ATP13A5: variants seen among roughly 807,000 people sequenced by gnomAD.
ATP13A5 encodes ATPase 13A5, also known as probable cation-transporting ATPase 13A5.
ATP13A5 carries 149 observed loss-of-function variants against 150.2 expected under a neutral mutation model. The observed-to-expected ratio is 0.99, with a 90% confidence interval of 0.87 to 1.14. ATP13A5 has a LOEUF of 1.14. Among genes scored for constraint, ATP13A5 ranks in the 50% most tolerant of loss-of-function variants. The probability of loss-of-function intolerance (pLI) is 0.00; values close to 1 mark genes in which losing one functional copy is unlikely to be tolerated. For synonymous variants in ATP13A5, 497 were observed against 522.2 expected (o/e 0.95, Z 0.66); for missense variants, 1,383 against 1,449.3 (o/e 0.95, Z 0.74).
At chr3:193,359,285 G>C (rs1712911597) in intron 5 of ATP13A5, among the ~76,000 whole-genome samples, 2 of 151,998 alleles carry the variant, frequency 1.3e-5, no homozygotes, top group South Asian at 4.2e-4. Context: ...GGTTTCAAAG[G>C]GGATAGAGGT....
At chr3:193,356,959 G>A (rs2108896075) in intron 5 of ATP13A5, among the ~76,000 whole-genome samples, 1 of 152,154 alleles carries the variant, frequency 6.6e-6, no homozygotes, top group Non-Finnish European at 1.5e-5. Flanking sequence ...GGGATTACAG[G>A]CCCACACTAC....
chr3:193,285,271 A>T (rs113197420), intron 26 of ATP13A5, among the ~76,000 whole-genome samples, 155 bp from the exon 27 acceptor site: 11 of 152,342 alleles, frequency 7.2e-5, no homozygotes, highest in African/African-American at 2.4e-4. Context: ...TCTTGCTATG[A>T]CAAAGCAGAA....
At chr3:193,332,990 G>A (rs533113385) in intron 11 of ATP13A5, among the ~76,000 whole-genome samples, 85 of 152,138 alleles carry the variant, frequency 5.6e-4, no homozygotes, top group Admixed American at 7.2e-4. Flanking sequence ...AGGCCCCATC[G>A]TGGGCCTCTC....
intron 1 of ATP13A5, among the ~76,000 whole-genome samples, chr3:193,369,219 A>T (rs1296618038): frequency 6.6e-6 from 1 of 151,868 alleles, no homozygotes; most frequent in African/African-American, 2.4e-5. Flanking sequence ...CACTCAGGCA[A>T]CAGTGAGACC....
chr3:193,327,046 G>A lies in ATP13A5; in HGVS notation c.1473C>T (p.Leu491=), dbSNP rs1022926244. 12 of 1,609,584 alleles carry A rather than the reference G, an allele frequency of 7.5e-6. No homozygotes were observed. Among genetic ancestry groups the A allele is most frequent in the South Asian group, 5.6e-5 (5 of 89,464 alleles). ...CCCAGAGGTCCAGCCCATCTTCAGTGAGAGTGCCAGTCTGAGTAAAAATTA... is the reference window on the plus strand; with the variant it reads ...CCCAGAGGTCCAGCCCATCTTCAGTAAGAGTGCCAGTCTGAGTAAAAATTA... ...NLVCFDKTGT[L]TEDGLDLWGT... Residue 491 remains leucine, a synonymous_variant, in exon 13 of 30, where the codon CTC becomes CTT. Coordinates refer to ENST00000342358, the MANE Select transcript of ATP13A5 (RefSeq NM_198505.4).
At chr3:193,341,181 T>G (rs6773934) in intron 9 of ATP13A5, among the ~76,000 whole-genome samples, 6,182 of 142,478 alleles carry the variant, frequency 0.043, 360 homozygotes, top group African/African-American at 0.14. Context: ...CCCTCCCAAA[T>G]GATATTCCCT....
chr3:193,274,960 G>T lies in ATP13A5; in HGVS notation c.*82C>A. ...TTGAATGGAGAGAGGAAAGGTAAGG[G>T]GAGAGTATCATCACTTCTCCACAAT... On this transcript the variant is annotated 3_prime_UTR_variant, in exon 30 of 30. Coordinates refer to ENST00000342358, the MANE Select transcript of ATP13A5 (RefSeq NM_198505.4). The T allele has an allele frequency of 1.3e-6, 2 of 1,540,378 alleles. No homozygotes were observed. Among genetic ancestry groups the T allele is most frequent in the South Asian group, 2.5e-5 (2 of 81,072 alleles).
chr3:193,340,759 CT>C (rs1380552605), intron 9 of ATP13A5, among the ~76,000 whole-genome samples: 1 of 152,140 alleles, frequency 6.6e-6, no homozygotes, highest in African/African-American at 2.4e-5. Flanking sequence ...CAATAGAAGT[CT>C]TCTGTTTTCT....
intron 2 of ATP13A5, among the ~76,000 whole-genome samples, chr3:193,363,620 A>G (rs776035856): frequency 7.2e-5 from 11 of 152,222 alleles, no homozygotes; most frequent in Non-Finnish European, 1.2e-4. Flanking sequence ...ATATGCACTG[A>G]AATTTGATAA....
chr3:193,320,618 AAGAC>A (rs1719227825), intron 16 of ATP13A5, among the ~76,000 whole-genome samples: 1 of 151,100 alleles, frequency 6.6e-6, no homozygotes, highest in African/African-American at 2.5e-5. Context: ...CTGAAGATCA[AAGAC>A]AGAAGAAAAG....
At chr3:193,329,411 G>A (rs2108870573) in intron 12 of ATP13A5, among the ~76,000 whole-genome samples, 1 of 152,268 alleles carries the variant, frequency 6.6e-6, no homozygotes, top group East Asian at 1.9e-4. Flanking sequence ...TGGCAGGTGA[G>A]GACATGAGGA....
rs144058014 is a variant in ATP13A5, at chr3:193,307,273, C to T, written c.2568+54G>A. 716 of 1,612,724 alleles carry T rather than the reference C, an allele frequency of 4.4e-4. 4 individuals carry two copies. The African/African-American group carries it at 8.5e-3, about 19-fold the overall frequency. ...ACAAACCCCAGGAGAGCCTGAGGTCCTCCAGAGGGATATTAGTGAGTGGCT... is the reference window on the plus strand; with the variant it reads ...ACAAACCCCAGGAGAGCCTGAGGTCTTCCAGAGGGATATTAGTGAGTGGCT... On this transcript the variant is annotated intron_variant, in intron 22 of 29. Transcript: ENST00000342358.
intron 1 of ATP13A5, among the ~76,000 whole-genome samples, chr3:193,369,363 C>T (rs1034735312): frequency 7.2e-5 from 11 of 152,086 alleles, no homozygotes; most frequent in African/African-American, 2.7e-4. Context: ...AATCCCAGCA[C>T]TTTGGGAGGC....
intron 2 of ATP13A5, 81 bp from the exon 3 acceptor site, chr3:193,363,463 T>C (rs1713119391): frequency 1.5e-6 from 2 of 1,333,942 alleles, no homozygotes; most frequent in Admixed American, 2.2e-5. Context: ...TACCAAGTGG[T>C]ACAAAACTTT....
At chr3:193,311,514 AC>A (rs1389107923) in intron 20 of ATP13A5, among the ~76,000 whole-genome samples, 1 of 152,150 alleles carries the variant, frequency 6.6e-6, no homozygotes, top group East Asian at 1.9e-4. Flanking sequence ...CAAAACAAGC[AC>A]CGTGTTTGGA....
chr3:193,377,898 T>C (rs1713698356), intron 1 of ATP13A5, among the ~76,000 whole-genome samples: 2 of 152,208 alleles, frequency 1.3e-5, no homozygotes, highest in African/African-American at 4.8e-5. Context: ...GCCTGTCCCT[T>C]GCAGGCTAAT....
At chr3:193,357,006 G>A (rs999841128) in intron 5 of ATP13A5, among the ~76,000 whole-genome samples, 1 of 151,976 alleles carries the variant, frequency 6.6e-6, no homozygotes, top group Non-Finnish European at 1.5e-5. Context: ...AGTAGACACG[G>A]GGTTTCACCA....
chr3:193,275,189 C>T lies in ATP13A5; in HGVS notation c.3510G>A (p.Trp1170Ter). 1 of 1,614,094 alleles carries T rather than the reference C, an allele frequency of 6.2e-7. No individual in the cohort carries two copies. ...AATAATCTGTCCTGTTTATGGGAGG[C>T]CAGGTTGAGTCTTCTGCTAGCTTCT... ...WQKKLAEDST[W>*]PPINRTDYSG... The change falls in exon 30 of 30, where the codon TGG becomes TGA. Residue 1170 changes from tryptophan to a stop codon, truncating the protein, a stop_gained. Coordinates refer to ENST00000342358, the MANE Select transcript of ATP13A5 (RefSeq NM_198505.4). LOFTEE classifies it low-confidence loss of function (END_TRUNC).
At position 193,378,585 on chromosome 3, in the gene ATP13A5, A is replaced by G. The variant is rs1713724748; in HGVS notation, c.63+78T>C. 3.1e-5 allele frequency: 39 copies of G among 1,272,336 alleles called. No homozygotes were observed. In the South Asian group the frequency reaches 4.6e-4, roughly 15 times the overall value. 78.8% of individuals were successfully genotyped at this position (1,272,336 alleles called of 1,614,324 possible). A position where few individuals can be genotyped will look rare whatever the true frequency, so the allele number is the denominator to read the frequency against. On this transcript the variant is annotated intron_variant, in intron 1 of 29. Coordinates refer to ENST00000342358, the MANE Select transcript of ATP13A5 (RefSeq NM_198505.4). ...GCCTGAAGCATAAATGCTACACTCTATTTTCTAATTCAGCTGTAGCCCATA... is the reference window on the plus strand; with the variant it reads ...GCCTGAAGCATAAATGCTACACTCTGTTTTCTAATTCAGCTGTAGCCCATA...
Sources: gnomAD v4.1 joint callset for allele counts (sites outside exome capture counted in the v4.1 genomes callset) on GRCh38, gnomAD v4.1.1 for gene constraint, MANE v1.5 for transcripts, NCBI Gene and HGNC (gene_info 2026-07-23, HGNC 2026-07-21) for gene names.